GRID2: variants seen among roughly 807,000 people sequenced by gnomAD.
The protein encoded by GRID2 is glutamate ionotropic receptor delta type subunit 2.
GRID2 carries 33 observed loss-of-function variants against 114.8 expected under a neutral mutation model. The ratio of observed to expected loss-of-function variants is 0.29; its 90% confidence interval spans 0.22 to 0.38. The LOEUF (loss-of-function observed/expected upper bound fraction) is 0.38, where lower values mean the gene tolerates loss of function less well. GRID2 is among the 10% of genes least tolerant of loss of function. The pLI is 1.00. For missense variants in GRID2, 1,184 were observed against 1,257.7 expected (o/e 0.94, Z 0.89); for synonymous variants, 505 against 449.9 (o/e 1.12, Z -1.55).
At chr4:93,008,544 G>A (rs1298969176) in intron 2 of GRID2, among the ~76,000 whole-genome samples, 1 of 151,968 alleles carries the variant, frequency 6.6e-6, no homozygotes, top group Non-Finnish European at 1.5e-5. Context: ...AGTTGTGTCT[G>A]TTTGTAAATA....
chr4:93,060,404 T>C (rs1727673763), intron 2 of GRID2, among the ~76,000 whole-genome samples: 1 of 152,194 alleles, frequency 6.6e-6, no homozygotes, highest in Non-Finnish European at 1.5e-5. Flanking sequence ...TGTGTTTCCA[T>C]GGAAGGAAAT....
intron 1 of GRID2, among the ~76,000 whole-genome samples, chr4:92,384,464 A>ATT (rs1729780840): frequency 4.4e-5 from 2 of 45,266 alleles, no homozygotes; most frequent in Non-Finnish European, 7.4e-5. Flanking sequence ...ATATATATAT[A>ATT]TATATATATA....
intron 8 of GRID2, among the ~76,000 whole-genome samples, chr4:93,382,832 C>A: frequency 6.6e-6 from 1 of 150,930 alleles, no homozygotes; most frequent in East Asian, 1.9e-4. Flanking sequence ...AGACATGTGA[C>A]TGTAGTAATG....
At chr4:92,975,251 A>C (rs1485087483) in intron 2 of GRID2, among the ~76,000 whole-genome samples, 2 of 151,310 alleles carry the variant, frequency 1.3e-5, no homozygotes, top group African/African-American at 4.9e-5. Context: ...AGAATAAAAC[A>C]TTTCTGTAAG....
chr4:92,881,727 A>G (rs988356810), intron 2 of GRID2, among the ~76,000 whole-genome samples: 2 of 152,212 alleles, frequency 1.3e-5, no homozygotes, highest in Non-Finnish European at 2.9e-5. Context: ...TTTATTAAAT[A>G]GGAAATGAAT....
intron 1 of GRID2, among the ~76,000 whole-genome samples, chr4:92,434,111 T>C (rs1372356234): frequency 6.6e-6 from 1 of 152,224 alleles, no homozygotes; most frequent in East Asian, 1.9e-4. Flanking sequence ...TTTTCTTCAG[T>C]AGTAATATCA....
intron 2 of GRID2, among the ~76,000 whole-genome samples, chr4:92,861,661 A>G (rs1270930135): frequency 1.3e-5 from 2 of 152,012 alleles, no homozygotes; most frequent in East Asian, 1.9e-4. Flanking sequence ...TACATTTCTG[A>G]CACCTAACCC....
chr4:92,528,038 T>C (rs1725129703), intron 1 of GRID2, among the ~76,000 whole-genome samples: 1 of 151,970 alleles, frequency 6.6e-6, no homozygotes, highest in Non-Finnish European at 1.5e-5. Flanking sequence ...TCACTGAATT[T>C]TACAGCTTGC....
intron 2 of GRID2, among the ~76,000 whole-genome samples, chr4:92,877,837 T>C (rs1368118803): frequency 1.3e-5 from 2 of 152,170 alleles, no homozygotes; most frequent in East Asian, 1.9e-4. Flanking sequence ...GATTTCAAGA[T>C]TGGGGAGGCT....
chr4:92,305,160 T>G (rs941629740), intron 1 of GRID2, among the ~76,000 whole-genome samples: 2 of 151,950 alleles, frequency 1.3e-5, no homozygotes, highest in African/African-American at 4.8e-5. Context: ...ACCTGTGAGA[T>G]GAAAAGAACT....
chr4:93,573,526 T>A (rs1373144620), intron 13 of GRID2, among the ~76,000 whole-genome samples: 2 of 152,200 alleles, frequency 1.3e-5, no homozygotes, highest in Admixed American at 6.6e-5. Context: ...ATCAATTTAA[T>A]AATGCAGATT....
intron 4 of GRID2, among the ~76,000 whole-genome samples, chr4:93,152,244 T>A (rs1266961692): frequency 6.6e-6 from 1 of 152,146 alleles, no homozygotes; most frequent in Non-Finnish European, 1.5e-5. Context: ...TATCTAATTC[T>A]TTGTTTACTA....
intron 13 of GRID2, among the ~76,000 whole-genome samples, chr4:93,575,162 A>G (rs1736295463): frequency 6.6e-6 from 1 of 152,188 alleles, no homozygotes; most frequent in South Asian, 2.1e-4. Flanking sequence ...CTTATCCCAC[A>G]GCCAATGTGT....
chr4:92,795,194 A>G (rs935611482), intron 2 of GRID2, among the ~76,000 whole-genome samples: 28 of 151,670 alleles, frequency 1.8e-4, no homozygotes, highest in African/African-American at 6.8e-4. Context: ...ACCCCATTCA[A>G]ATCTCAACTC....
chr4:92,510,858 T>TAAA (rs58768935), intron 1 of GRID2, among the ~76,000 whole-genome samples: 109 of 144,066 alleles, frequency 7.6e-4, no homozygotes, highest in East Asian at 2.1e-3. Context: ...ATGTGTCAAT[T>TAAA]AAAAAAAAAA....
intron 2 of GRID2, among the ~76,000 whole-genome samples, chr4:92,894,491 C>G (rs914912382): frequency 6.6e-6 from 1 of 151,996 alleles, no homozygotes; most frequent in Non-Finnish European, 1.5e-5. Context: ...AAATAAACTA[C>G]AAGTACAGAA....
chr4:92,727,414 A>G (rs1579925324), intron 2 of GRID2, among the ~76,000 whole-genome samples: 1 of 152,050 alleles, frequency 6.6e-6, no homozygotes, highest in Admixed American at 6.6e-5. Context: ...TGTAACACTC[A>G]CTTCAAGTCA....
intron 2 of GRID2, among the ~76,000 whole-genome samples, chr4:92,693,359 G>A (rs184783385): frequency 5.9e-5 from 9 of 152,264 alleles, no homozygotes; most frequent in African/African-American, 2.2e-4. Flanking sequence ...TAAAAATCCT[G>A]TAGACATAAA....
intron 4 of GRID2, among the ~76,000 whole-genome samples, chr4:93,129,292 T>C (rs1226450226): frequency 6.6e-6 from 1 of 152,178 alleles, no homozygotes; most frequent in Non-Finnish European, 1.5e-5. Flanking sequence ...ATAATAAGAA[T>C]AGGGTTATTT....
Sources: allele counts gnomAD v4.1 joint callset (sites outside exome capture counted in the v4.1 genomes callset), GRCh38; gene constraint gnomAD v4.1.1; transcripts MANE v1.5; gene names NCBI Gene and HGNC (gene_info 2026-07-23, HGNC 2026-07-21).